TMED3: variants seen among roughly 807,000 people sequenced by gnomAD.
TMED3 encodes transmembrane p24 trafficking protein 3, also known as transmembrane emp24 domain-containing protein 3.
Under a neutral mutation model 15.0 loss-of-function variants are expected in TMED3, and 9 were observed. The observed-to-expected ratio is 0.60, with a 90% CI of 0.36 to 1.04. The LOEUF is 1.04. Ranked by LOEUF, TMED3 falls within the 50% of genes least tolerant of loss-of-function variation. TMED3 has a pLI of 0.01. For synonymous variants in TMED3, 117 were observed against 121.4 expected, an observed-to-expected ratio of 0.96 and a Z score of 0.24; for missense variants, 267 against 278.9, an observed-to-expected ratio of 0.96 and a Z score of 0.30.
intron 2 of TMED3, among the ~76,000 whole-genome samples, chr15:79,376,110 T>C (rs1340940074): frequency 1.4e-5 from 1 of 71,374 alleles, no homozygotes; most frequent in Non-Finnish European, 2.9e-5. Flanking sequence ...TTTTTTTTTT[T>C]TTTTTTTTTT....
chr15:79,410,698 GTATA>G (rs71150909), intron 2 of TMED3, among the ~76,000 whole-genome samples: 1 of 148,968 alleles, frequency 6.7e-6, no homozygotes, highest in African/African-American at 2.5e-5. Context: ...ATGTGTGTGT[GTATA>G]TATATATATA....
At chr15:79,404,041 T>C (rs1422897294) in intron 2 of TMED3, among the ~76,000 whole-genome samples, 3 of 152,224 alleles carry the variant, frequency 2.0e-5, no homozygotes, top group Non-Finnish European at 2.9e-5. Flanking sequence ...ATCTTCCAGG[T>C]GATGTGGTAT....
intron 2 of TMED3, among the ~76,000 whole-genome samples, chr15:79,343,628 T>G (rs982231190): frequency 1.3e-5 from 2 of 148,896 alleles, no homozygotes; most frequent in African/African-American, 4.9e-5. Context: ...GGTAGTAGAC[T>G]GCAGGGGTAA....
intron 2 of TMED3, among the ~76,000 whole-genome samples, chr15:79,346,285 C>T (rs2058871206): frequency 6.6e-6 from 1 of 152,034 alleles, no homozygotes; most frequent in South Asian, 2.1e-4. Context: ...TATGGTTAGA[C>T]TTTGTGTCCC....
intron 2 of TMED3, among the ~76,000 whole-genome samples, chr15:79,400,122 C>T (rs1893815068): frequency 6.6e-6 from 1 of 152,332 alleles, no homozygotes; most frequent in Non-Finnish European, 1.5e-5. Context: ...ACTTGTCATG[C>T]TCCTCCCAAC....
chr15:79,350,311 T>C (rs1321409493), intron 2 of TMED3, among the ~76,000 whole-genome samples: 2 of 152,130 alleles, frequency 1.3e-5, no homozygotes, highest in Non-Finnish European at 2.9e-5. Context: ...ACTCACATAA[T>C]CACAAGGTGA....
chr15:79,390,110 G>A (rs148786366), intron 2 of TMED3, among the ~76,000 whole-genome samples: 1,628 of 152,160 alleles, frequency 0.011, 9 homozygotes, highest in Non-Finnish European at 0.014. Flanking sequence ...CTCTGGCTAG[G>A]ACTTCCAGTA....
chr15:79,390,088 CTT>C (rs1288415171), intron 2 of TMED3, among the ~76,000 whole-genome samples: 1 of 152,106 alleles, frequency 6.6e-6, no homozygotes, highest in African/African-American at 2.4e-5. Context: ...ATTTCTTTCT[CTT>C]GTCTGATTGC....
At chr15:79,376,253 A>G (rs572350224) in intron 2 of TMED3, among the ~76,000 whole-genome samples, 17 of 152,340 alleles carry the variant, frequency 1.1e-4, no homozygotes, top group Admixed American at 3.9e-4. Context: ...ACACTCTGTA[A>G]TTTGTATAAA....
chr15:79,389,420 G>A (rs915264528), intron 2 of TMED3, among the ~76,000 whole-genome samples: 1 of 152,058 alleles, frequency 6.6e-6, no homozygotes, highest in East Asian at 1.9e-4. Flanking sequence ...GTTTATTTCC[G>A]GGTTCTCTAT....
downstream of TMED3, among the ~76,000 whole-genome samples, chr15:79,323,735 C>T (rs16970846): frequency 0.11 from 16,685 of 152,122 alleles, 1,422 homozygotes; most frequent in East Asian, 0.48. Flanking sequence ...CTAAAACTCA[C>T]GTTGTCTTCC....
At chr15:79,403,062 G>GAA (rs529279385) in intron 2 of TMED3, among the ~76,000 whole-genome samples, 2,152 of 147,550 alleles carry the variant, frequency 0.015, 31 homozygotes, top group Non-Finnish European at 0.023. Context: ...CTATTCAAAA[G>GAA]AAAAAAAAAG....
intron 2 of TMED3, among the ~76,000 whole-genome samples, chr15:79,371,736 T>C (rs1893343467): frequency 6.6e-6 from 1 of 152,192 alleles, no homozygotes; most frequent in South Asian, 2.1e-4. Flanking sequence ...CTGAAAAATA[T>C]TTCCAAGACC....
At chr15:79,367,788 G>A (rs534145169) in intron 2 of TMED3, among the ~76,000 whole-genome samples, 63 of 152,330 alleles carry the variant, frequency 4.1e-4, no homozygotes, top group African/African-American at 1.3e-3. Context: ...ATTGCACATT[G>A]GTTTTGCCCT....
At chr15:79,364,842 A>G (rs563053709) in intron 2 of TMED3, among the ~76,000 whole-genome samples, 8 of 151,732 alleles carry the variant, frequency 5.3e-5, no homozygotes, top group Non-Finnish European at 8.8e-5. Context: ...ACCCAGTAAA[A>G]CCCCACATTC....
At chr15:79,391,490 C>CTTGGAGATAGGCCTATATGGTCT (rs1893694091) in intron 2 of TMED3, among the ~76,000 whole-genome samples, 1 of 152,114 alleles carries the variant, frequency 6.6e-6, no homozygotes, top group South Asian at 2.1e-4. Flanking sequence ...TGTGGCCTAT[C>CTTGGAGATAGGCCTATATGGTCT]ATATGGTCTA....
intron 2 of TMED3, among the ~76,000 whole-genome samples, chr15:79,392,267 C>G (rs762997038): frequency 2.6e-5 from 4 of 152,162 alleles, no homozygotes; most frequent in Non-Finnish European, 4.4e-5. Context: ...AGACCTAGAG[C>G]TCCTTTTGGC....
chr15:79,329,762 C>T (rs972720331), intron 2 of TMED3, among the ~76,000 whole-genome samples: 3 of 152,230 alleles, frequency 2.0e-5, no homozygotes, highest in Admixed American at 6.5e-5. Flanking sequence ...GTTCTTCCTG[C>T]TGTCCGCCAC....
intron 2 of TMED3, among the ~76,000 whole-genome samples, chr15:79,352,522 T>C (rs1011301900): frequency 1.1e-4 from 17 of 152,002 alleles, no homozygotes; most frequent in African/African-American, 3.9e-4. Flanking sequence ...ATGTGACACA[T>C]GCCTCTTAGA....
Sources: gnomAD v4.1 joint callset for allele counts (sites outside exome capture counted in the v4.1 genomes callset) on GRCh38, gnomAD v4.1.1 for gene constraint, MANE v1.5 for transcripts, NCBI Gene and HGNC (gene_info 2026-07-23, HGNC 2026-07-21) for gene names.